CTNNA3: variants seen among roughly 807,000 people sequenced by gnomAD.
CTNNA3 encodes the protein catenin alpha-3.
CTNNA3 carries 76 observed loss-of-function variants against 95.7 expected under a neutral mutation model. That is an observed-to-expected ratio of 0.79 (90% CI 0.66 to 0.96). CTNNA3 has a LOEUF of 0.96. Ranked by LOEUF, CTNNA3 falls within the 40% of genes least tolerant of loss-of-function variation. The pLI, the probability that CTNNA3 is intolerant of heterozygous loss-of-function variation, is 0.00. For synonymous variants in CTNNA3, 431 were observed against 374.4 expected (o/e 1.15, Z -1.74); for missense variants, 1,191 against 1,089.8 (o/e 1.09, Z -1.31).
At chr10:67,288,470 AATC>A (rs1349528984) in intron 5 of CTNNA3, among the ~76,000 whole-genome samples, 2 of 152,208 alleles carry the variant, frequency 1.3e-5, no homozygotes, top group Non-Finnish European at 2.9e-5. Flanking sequence ...GTCAACTGCT[AATC>A]ATAATATAAA....
At chr10:66,063,566 G>A (rs895117166) in intron 15 of CTNNA3, among the ~76,000 whole-genome samples, 20 of 151,192 alleles carry the variant, frequency 1.3e-4, no homozygotes, top group African/African-American at 4.8e-4. Context: ...ATTCCTATAC[G>A]CCACTATGTT....
intron 13 of CTNNA3, among the ~76,000 whole-genome samples, chr10:66,138,527 C>T (rs1252951202): frequency 1.3e-5 from 2 of 152,032 alleles, no homozygotes; most frequent in African/African-American, 2.4e-5. Context: ...GATAAAAATC[C>T]TTATTTAAAA....
intron 13 of CTNNA3, among the ~76,000 whole-genome samples, chr10:66,275,636 T>C (rs963265726): frequency 3.3e-5 from 5 of 152,226 alleles, no homozygotes; most frequent in African/African-American, 9.6e-5. Context: ...CAATATTCTT[T>C]CATTATTGGA....
At chr10:67,077,238 G>A (rs747382075) in intron 7 of CTNNA3, among the ~76,000 whole-genome samples, 1 of 152,086 alleles carries the variant, frequency 6.6e-6, no homozygotes, top group Non-Finnish European at 1.5e-5. Flanking sequence ...GACCTTTGTT[G>A]TCCCTCCTCT....
chr10:67,745,802 T>A (rs1046094822), intron 1 of CTNNA3, among the ~76,000 whole-genome samples: 2 of 151,780 alleles, frequency 1.3e-5, no homozygotes, highest in Non-Finnish European at 2.9e-5. Flanking sequence ...AAAAAGAAAT[T>A]AAGAAACCAT....
intron 5 of CTNNA3, among the ~76,000 whole-genome samples, chr10:67,356,806 G>C (rs1842826185): frequency 6.6e-6 from 1 of 152,022 alleles, no homozygotes; most frequent in Non-Finnish European, 1.5e-5. Context: ...CTCTTCCCTT[G>C]TTTAATCAAC....
chr10:66,483,160 T>A (rs1839600820), intron 11 of CTNNA3, among the ~76,000 whole-genome samples: 2 of 152,344 alleles, frequency 1.3e-5, no homozygotes, highest in Middle Eastern at 6.8e-3. Flanking sequence ...ATTCTGAATT[T>A]GCACAGCTTG....
chr10:66,352,359 T>C (rs1029881961), intron 12 of CTNNA3, among the ~76,000 whole-genome samples: 6 of 152,016 alleles, frequency 3.9e-5, no homozygotes, highest in African/African-American at 1.4e-4. Context: ...TAGACAAATG[T>C]GCATGACAAA....
At chr10:66,419,519 T>C (rs1782476784) in intron 11 of CTNNA3, among the ~76,000 whole-genome samples, 1 of 152,234 alleles carries the variant, frequency 6.6e-6, no homozygotes, top group African/African-American at 2.4e-5. Context: ...ATGCCATTTT[T>C]CACAGAATAG....
chr10:66,371,643 T>G (rs1216136920), intron 12 of CTNNA3, among the ~76,000 whole-genome samples: 3 of 152,138 alleles, frequency 2.0e-5, no homozygotes, highest in South Asian at 2.1e-4. Context: ...TTTTGCTTCC[T>G]CGTTGATAAT....
intron 13 of CTNNA3, among the ~76,000 whole-genome samples, chr10:66,128,519 A>G (rs2082931474): frequency 6.6e-6 from 1 of 152,118 alleles, no homozygotes; most frequent in Non-Finnish European, 1.5e-5. Flanking sequence ...ACTTAAATGC[A>G]TATTACCAAG....
chr10:66,979,672 T>C (rs934900600), intron 7 of CTNNA3, among the ~76,000 whole-genome samples: 1 of 152,148 alleles, frequency 6.6e-6, no homozygotes, highest in East Asian at 1.9e-4. Context: ...TGGGGATGAA[T>C]AGGATTATAT....
At chr10:67,302,248 T>C (rs931816372) in intron 5 of CTNNA3, among the ~76,000 whole-genome samples, 7 of 151,616 alleles carry the variant, frequency 4.6e-5, no homozygotes, top group African/African-American at 7.3e-5. Context: ...ACAATGAGAG[T>C]ACGATGGTAG....
intron 7 of CTNNA3, among the ~76,000 whole-genome samples, chr10:66,976,437 C>G (rs919751074): frequency 6.6e-6 from 1 of 152,132 alleles, no homozygotes. Context: ...TTTCTCACCA[C>G]CACTTCTATT....
chr10:67,514,032 C>A (rs1335949740), intron 5 of CTNNA3, among the ~76,000 whole-genome samples: 1 of 152,154 alleles, frequency 6.6e-6, no homozygotes, highest in Non-Finnish European at 1.5e-5. Context: ...CAGTTGGGGC[C>A]AGGCACAGTA....
At chr10:66,987,269 G>T (rs1184965446) in intron 7 of CTNNA3, among the ~76,000 whole-genome samples, 2 of 152,188 alleles carry the variant, frequency 1.3e-5, no homozygotes, top group East Asian at 3.9e-4. Context: ...TGACCTGATT[G>T]ACATTGTAAC....
intron 5 of CTNNA3, among the ~76,000 whole-genome samples, chr10:67,358,719 G>A (rs1187253802): frequency 6.6e-6 from 1 of 152,056 alleles, no homozygotes; most frequent in African/African-American, 2.4e-5. Context: ...AGGACCAGTG[G>A]GTCGTCAGAG....
intron 5 of CTNNA3, among the ~76,000 whole-genome samples, chr10:67,430,852 C>CACACACACAT (rs1846087811): frequency 6.6e-6 from 1 of 151,266 alleles, no homozygotes. Context: ...CACACACACA[C>CACACACACAT]ACCCTCACAC....
At chr10:66,953,763 A>C (rs1327789573) in intron 7 of CTNNA3, among the ~76,000 whole-genome samples, 1 of 152,088 alleles carries the variant, frequency 6.6e-6, no homozygotes, top group Non-Finnish European at 1.5e-5. Flanking sequence ...TCCTAAGATA[A>C]TATTAGATGA....
Sources: gnomAD v4.1 joint callset for allele counts (sites outside exome capture counted in the v4.1 genomes callset) on GRCh38, gnomAD v4.1.1 for gene constraint, MANE v1.5 for transcripts, NCBI Gene and HGNC (gene_info 2026-07-23, HGNC 2026-07-21) for gene names.